The following ALLC variants were observed in gnomAD, a reference collection of about 807,000 sequenced individuals.
The protein encoded by ALLC is probable inactive allantoicase.
Under a neutral mutation model 45.0 loss-of-function variants are expected in ALLC, and 40 were observed. The observed-to-expected ratio is 0.89, with a 90% CI of 0.69 to 1.16. The LOEUF is 1.16. ALLC is among the 50% of genes most tolerant of loss of function. ALLC has a pLI of 0.00. For missense variants in ALLC, 488 were observed against 493.1 expected (o/e 0.99, Z 0.10); for synonymous variants, 176 against 178.1 (o/e 0.99, Z 0.09).
intron 10 of ALLC, among the ~76,000 whole-genome samples, chr2:3,698,783 T>C (rs924996508): frequency 7.2e-6 from 1 of 138,662 alleles, no homozygotes; most frequent in African/African-American, 2.5e-5. Flanking sequence ...TAATTATACT[T>C]TAAGTTTTAG....
intron 4 of ALLC, 42 bp from the exon 5 acceptor site, chr2:3,679,827 G>T (rs752335133): frequency 3.7e-6 from 6 of 1,610,226 alleles, no homozygotes; most frequent in Non-Finnish European, 5.1e-6. Context: ...CATCTGCTGT[G>T]TTGGCCCTAA....
chr2:3,645,864 T>G, the ALLC span, among the ~76,000 whole-genome samples: 12 of 151,854 alleles, frequency 7.9e-5, no homozygotes, highest in South Asian at 2.1e-4. The surrounding 1 kb of genome is among the most constrained non-coding windows in gnomAD (Gnocchi z 4.3). Flanking sequence ...CCAGCTGGTG[T>G]TGTGGGGCGA....
At chr2:3,695,924 T>C in intron 8 of ALLC, 52 bp downstream of exon 8, 2 of 1,529,650 alleles carry the variant, frequency 1.3e-6, no homozygotes, top group South Asian at 2.5e-5. Context: ...GGTACCGGCA[T>C]TAAATACCCC....
chr2:3,698,290 A>G (rs1667735641), intron 10 of ALLC, among the ~76,000 whole-genome samples: 2 of 152,186 alleles, frequency 1.3e-5, no homozygotes, highest in African/African-American at 4.8e-5. Flanking sequence ...TAACTCCTCT[A>G]TAAAATTCAC....
the ALLC span, among the ~76,000 whole-genome samples, chr2:3,652,323 A>G: frequency 2.2e-3 from 331 of 152,342 alleles, 2 homozygotes; most frequent in African/African-American, 7.5e-3. Flanking sequence ...TGGTACCTAG[A>G]GCTCGGGGCC....
At chr2:3,672,616 T>TGGG (rs1666916018) in intron 2 of ALLC, among the ~76,000 whole-genome samples, 1 of 132,326 alleles carries the variant, frequency 7.6e-6, no homozygotes, top group African/African-American at 3.1e-5. Context: ...TCTGGTTAGA[T>TGGG]AGGAGGTCCT....
Position 3,702,509 on chromosome 2 carries a change from GC to G in ALLC, c.1126del (p.Arg376GlyfsTer6), listed in dbSNP as rs761416466. ...TCCCCAGCTCCATCTGCCTCCTGAGGCCCCGGGAGAAGCCCATGTTGAAGTT... is the reference window on the plus strand; with the variant it reads ...TCCCCAGCTCCATCTGCCTCCTGAGGCCCGGGAGAAGCCCATGTTGAAGTT... ...GFPSSICLLR[P>X]REKPMLKFSV... is the part of the protein sequence containing the mutation. On this transcript the variant is annotated frameshift_variant, in exon 12 of 12. Coordinates refer to ENST00000252505, the MANE Select transcript of ALLC (RefSeq NM_018436.4). LOFTEE classifies it high-confidence loss of function. 1 of 1,609,154 alleles carries G rather than the reference GC, an allele frequency of 6.2e-7. No homozygotes were observed. Among genetic ancestry groups the G allele is most frequent in the Admixed American group, 1.7e-5 (1 of 59,478 alleles).
chr2:3,651,330 T>G, the ALLC span, among the ~76,000 whole-genome samples: 23 of 742 alleles, frequency 0.031, no homozygotes, highest in African/African-American at 0.078. Flanking sequence ...GGTGTGTGTG[T>G]GTGTGTGTGT....
chr2:3,657,993 A>G (rs1666479605), upstream of ALLC, among the ~76,000 whole-genome samples: 1 of 152,258 alleles, frequency 6.6e-6, no homozygotes, highest in South Asian at 2.1e-4. Flanking sequence ...GGCCGGAGGC[A>G]GCTTTGTTAG....
intron 7 of ALLC, among the ~76,000 whole-genome samples, chr2:3,693,423 A>G (rs1175043069): frequency 6.6e-6 from 1 of 152,260 alleles, no homozygotes; most frequent in Non-Finnish European, 1.5e-5. Flanking sequence ...CAAGAAAATG[A>G]ATGAGCAAAG....
the ALLC span, among the ~76,000 whole-genome samples, chr2:3,646,864 C>A: frequency 6.6e-6 from 1 of 152,130 alleles, no homozygotes; most frequent in Non-Finnish European, 1.5e-5. Context: ...TCCAACAATG[C>A]CTGGAGTATA....
chr2:3,658,887 A>G (rs935131422), intron 1 of ALLC, among the ~76,000 whole-genome samples: 2 of 151,828 alleles, frequency 1.3e-5, no homozygotes, highest in Non-Finnish European at 2.9e-5. Context: ...AAAAAAAAAA[A>G]AAAAAAAACC....
chr2:3,702,371 C>A lies in ALLC; in HGVS notation c.984C>A (p.Pro328=). ...ATCTGCTTGCTTTTCAGTTGTCTCC[C>A]AACCAAAGTCATCTGTTCGATAGCC... is the stretch of plus-strand genomic sequence containing the variant. ...KPLLPVTKLS[P]NQSHLFDSLT... Residue 328 remains proline, a synonymous_variant, in exon 12 of 12, where the codon CCC becomes CCA. Transcript: ENST00000252505. The A allele has an allele frequency of 3.7e-6, 6 of 1,612,940 alleles. No homozygotes were observed. Among genetic ancestry groups the A allele is most frequent in the Non-Finnish European group, 5.1e-6 (6 of 1,179,702 alleles).
chr2:3,694,230 C>G (rs560615587), intron 7 of ALLC, among the ~76,000 whole-genome samples: 1 of 152,294 alleles, frequency 6.6e-6, no homozygotes, highest in South Asian at 2.1e-4. Context: ...CATGAAAGCT[C>G]TTTCCTAATT....
At chr2:3,693,096 A>G (rs1241188344) in intron 7 of ALLC, among the ~76,000 whole-genome samples, 1 of 151,928 alleles carries the variant, frequency 6.6e-6, no homozygotes, top group Admixed American at 6.6e-5. Flanking sequence ...AATACCGCAG[A>G]CTCTCACTGT....
rs1271438636 is a variant in ALLC, at chr2:3,658,212, C to T, written c.-145C>T. 4 of 152,342 alleles carry T rather than the reference C, an allele frequency of 2.6e-5. No individual in the cohort carries two copies. Among genetic ancestry groups the T allele is most frequent in the Non-Finnish European group, 5.9e-5 (4 of 68,104 alleles). 9.4% of individuals were successfully genotyped at this position (152,342 alleles called of 1,614,324 possible). A position where few individuals can be genotyped will look rare whatever the true frequency, so the allele number is the denominator to read the frequency against. ...CAGGCCCCTATACATTCTCTCTGAG[C>T]TGGCACTCAAGCACCGTGGGACCTT... On this transcript the variant is annotated 5_prime_UTR_variant, in exon 1 of 12. Transcript: ENST00000252505.
chr2:3,648,967 G>C, the ALLC span, among the ~76,000 whole-genome samples: 3 of 152,022 alleles, frequency 2.0e-5, no homozygotes, highest in African/African-American at 7.3e-5. Flanking sequence ...CAGAGTACTG[G>C]GTGTTGAGTA....
rs72082952 is a variant in ALLC, at chr2:3,674,047, ATCTTTCTT to A, written c.34-14_34-7del. On this transcript the variant is annotated intron_variant, in intron 2 of 11. Coordinates refer to ENST00000252505, the MANE Select transcript of ALLC (RefSeq NM_018436.4). ...ATGGTATCAGATTTATGGTTGCTTT[ATCTTTCTT>A]TCTTTCTTTCTTTGTCTAGATTTTA... 1.8e-5 allele frequency: 26 copies of A among 1,425,390 alleles called. No individual in the cohort carries two copies. Among genetic ancestry groups the A allele is most frequent in the Non-Finnish European group, 2.4e-5 (25 of 1,038,786 alleles). The allele number at this position is 1,425,390 out of a possible 1,614,324, so 88.3% of individuals were successfully genotyped here. A position where few individuals can be genotyped will look rare whatever the true frequency, so the allele number is the denominator to read the frequency against.
chr2:3,651,443 T>TGTGTGTGTGTGTGTGAGTG, the ALLC span, among the ~76,000 whole-genome samples: 1 of 16,808 alleles, frequency 5.9e-5, no homozygotes, highest in African/African-American at 1.6e-4. Flanking sequence ...GTGTGTGTGT[T>TGTGTGTGTGTGTGTGAGTG]AGGAAGGGAG....
Sources: allele counts gnomAD v4.1 joint callset (sites outside exome capture counted in the v4.1 genomes callset), GRCh38; gene constraint gnomAD v4.1.1; non-coding constraint Gnocchi (gnomAD v3.1); transcripts MANE v1.5; gene names NCBI Gene and HGNC (gene_info 2026-07-23, HGNC 2026-07-21).